Variants in KIAA1549 observed in about 807,000 individuals in gnomAD.
KIAA1549 encodes KIAA1549.
Under a neutral mutation model 156.4 loss-of-function variants are expected in KIAA1549, and 70 were observed. That is an observed-to-expected ratio of 0.45 (90% CI 0.37 to 0.55). The LOEUF is 0.55. Ranked by LOEUF, KIAA1549 falls within the 20% of genes least tolerant of loss-of-function variation. KIAA1549 has a pLI of 0.00. For synonymous variants in KIAA1549, 1,103 were observed against 1,066.4 expected, an observed-to-expected ratio of 1.03 and a Z score of -0.67; for missense variants, 2,428 against 2,540.9, an observed-to-expected ratio of 0.96 and a Z score of 0.96.
intron 1 of KIAA1549, among the ~76,000 whole-genome samples, chr7:138,974,104 CAA>C (rs556362842): frequency 7.9e-4 from 120 of 152,330 alleles, no homozygotes; most frequent in African/African-American, 2.7e-3. Context: ...AGACATTTCT[CAA>C]AAGAGACACA....
rs1810566242 is a variant in KIAA1549 at position 138,861,298 on chromosome 7, G to C, written c.5088C>G (p.Ala1696=). 6.2e-7 allele frequency: 1 copy of C among 1,608,756 alleles called. No individual in the cohort carries two copies. The highest frequency in any genetic ancestry group is 1.3e-5 in the African/African-American group (1 of 74,698). The part of the protein sequence containing the change: ...TMHSLLDDAF[A]LVAPSSQPAS... Reference sequence around the variant, plus strand: ...CAGGCTGGCTGCTGGGGGCCACGAGGGCAAAGGCGTCGTCCAGGAGGGAGT... The same window carrying C: ...CAGGCTGGCTGCTGGGGGCCACGAGCGCAAAGGCGTCGTCCAGGAGGGAGT... The change falls in exon 16 of 20, where the codon GCC becomes GCG. Residue 1696 remains alanine, a synonymous_variant. Coordinates refer to ENST00000422774, the MANE Select transcript of KIAA1549 (RefSeq NM_001164665.2).
chr7:138,960,603 A>C (rs530726), intron 1 of KIAA1549, among the ~76,000 whole-genome samples: 44,563 of 151,922 alleles, frequency 0.29, 7,731 homozygotes, highest in African/African-American at 0.5. Context: ...AGCCACTGTG[A>C]CCAGCCACAA....
chr7:138,928,405 G>C (rs1812782844), intron 1 of KIAA1549, among the ~76,000 whole-genome samples: 1 of 151,982 alleles, frequency 6.6e-6, no homozygotes, highest in African/African-American at 2.4e-5. Context: ...TCCTGCCTCA[G>C]CCTCCCGAGT....
At chr7:138,970,417 C>T (rs1426700186) in intron 1 of KIAA1549, among the ~76,000 whole-genome samples, 1 of 152,218 alleles carries the variant, frequency 6.6e-6, no homozygotes, top group Non-Finnish European at 1.5e-5. Flanking sequence ...AGCTCCGAAC[C>T]CGCTACTGCT....
intron 10 of KIAA1549, among the ~76,000 whole-genome samples, chr7:138,885,155 G>A (rs1006290278): frequency 6.6e-6 from 1 of 152,266 alleles, no homozygotes; most frequent in African/African-American, 2.4e-5. Flanking sequence ...AGATCGAACC[G>A]TTGTACTCCA....
At chr7:138,952,905 G>C (rs749017314) in intron 1 of KIAA1549, among the ~76,000 whole-genome samples, 8 of 152,236 alleles carry the variant, frequency 5.3e-5, no homozygotes, top group Non-Finnish European at 1.0e-4. Flanking sequence ...TAAGGAGCAA[G>C]TGAGTCTAGA....
Position 138,843,984 on chromosome 7 carries a change from C to T in KIAA1549, c.5452+333G>A, listed in dbSNP as rs1372568194. Among the ~76,000 whole-genome samples, 3 of 152,202 alleles carry T rather than the reference C, an allele frequency of 2.0e-5. No homozygotes were observed. In the East Asian group the frequency reaches 5.8e-4, roughly 29 times the overall value. ...GTTCGTTACAAGCTGAAAAAAGCAC[C>T]TTCTTGAAAACTAACTCTTGTTTTC... On this transcript the variant is annotated intron_variant, in intron 18 of 19. Transcript: ENST00000422774.
chr7:138,893,797 G>A (rs1309753614), intron 10 of KIAA1549, among the ~76,000 whole-genome samples: 1 of 152,246 alleles, frequency 6.6e-6, no homozygotes, highest in African/African-American at 2.4e-5. Context: ...TCGGCCTGGT[G>A]CGGTGGCTCA....
At chr7:138,931,376 C>T (rs1255805630) in intron 1 of KIAA1549, among the ~76,000 whole-genome samples, 1 of 152,196 alleles carries the variant, frequency 6.6e-6, no homozygotes. Flanking sequence ...TGTTTTGGAT[C>T]CTCATATCTT....
At chr7:138,959,874 C>A (rs2130554107) in intron 1 of KIAA1549, among the ~76,000 whole-genome samples, 1 of 152,316 alleles carries the variant, frequency 6.6e-6, no homozygotes. Context: ...CAAGGACTAA[C>A]AATTTTCAAT....
In KIAA1549 at chr7:138,834,216, G is replaced by C. The variant is rs1809635876; in HGVS notation, c.*3690C>G. ...GCTCTGTCGCCCAGGTTGGAGTACA[G>C]TGGTGCAATCTCAGCTCACTGCAAC... On this transcript the variant is annotated 3_prime_UTR_variant, in exon 20 of 20. Transcript: ENST00000422774. 1 of 191,542 alleles carries C rather than the reference G, an allele frequency of 5.2e-6. No homozygotes were observed. The highest frequency in any genetic ancestry group is 1.9e-4 in the South Asian group (1 of 5,162). The allele number at this position is 191,542 out of a possible 1,614,324, so 11.9% of individuals were successfully genotyped here. A position where few individuals can be genotyped will look rare whatever the true frequency, so the allele number is the denominator to read the frequency against.
At chr7:138,875,561 C>T (rs1811061218) in intron 12 of KIAA1549, among the ~76,000 whole-genome samples, 1 of 152,106 alleles carries the variant, frequency 6.6e-6, no homozygotes, top group Non-Finnish European at 1.5e-5. Context: ...GAGAGGACTG[C>T]TTGAGCCCAG....
At chr7:138,911,443 G>T in intron 3 of KIAA1549, 120 bp from the exon 4 acceptor site, 1 of 727,828 alleles carries the variant, frequency 1.4e-6, no homozygotes. Context: ...GTGCATCACG[G>T]ATAATCAAAA....
rs1187980891 is a variant in KIAA1549, at chr7:138,831,468, T to C, written c.*6438A>G. Reference sequence around the variant, plus strand: ...ATTGTAAACATGGAAACCAAATACTTGCATAAATTATTTCAAAAACTCTAC... The same window carrying C: ...ATTGTAAACATGGAAACCAAATACTCGCATAAATTATTTCAAAAACTCTAC... On this transcript the variant is annotated 3_prime_UTR_variant, in exon 20 of 20. Coordinates refer to ENST00000422774, the MANE Select transcript of KIAA1549 (RefSeq NM_001164665.2). 2.4e-5 allele frequency: 5 copies of C among 210,996 alleles called. No homozygotes were observed. The East Asian group carries it at 3.6e-4, about 15-fold the overall frequency. The allele number at this position is 210,996 out of a possible 1,614,324, so 13.1% of individuals were successfully genotyped here. A position where few individuals can be genotyped will look rare whatever the true frequency, so the allele number is the denominator to read the frequency against.
chr7:138,878,959 G>C (rs1811167356), intron 12 of KIAA1549, among the ~76,000 whole-genome samples: 1 of 151,948 alleles, frequency 6.6e-6, no homozygotes, highest in African/African-American at 2.4e-5. Context: ...AAGACTTGTG[G>C]GTCTCACTTT....
intron 1 of KIAA1549, among the ~76,000 whole-genome samples, chr7:138,943,213 T>TC (rs1171089362): frequency 6.6e-6 from 1 of 151,664 alleles, no homozygotes; most frequent in Non-Finnish European, 1.5e-5. Context: ...GCGTCACGAG[T>TC]CCCCCTCGAG....
At position 138,869,448 on chromosome 7, in the gene KIAA1549, C is replaced by A. The variant is rs1810853960; in HGVS notation, c.4775+90G>T. ...TGGGGTCCTTCTGTCACAGGCCCTG[C>A]AGTAGCAGAGGGGCTCCTGTCCTGC... On this transcript the variant is annotated intron_variant, in intron 14 of 19. Transcript: ENST00000422774. 4.0e-6 allele frequency: 4 copies of A among 996,312 alleles called. No homozygotes were observed. In the East Asian group the frequency reaches 1.0e-4, roughly 26 times the overall value. 61.7% of individuals were successfully genotyped at this position (996,312 alleles called of 1,614,324 possible).
intron 1 of KIAA1549, among the ~76,000 whole-genome samples, chr7:138,955,585 G>A (rs972428112): frequency 7.2e-6 from 1 of 138,938 alleles, no homozygotes; most frequent in Non-Finnish European, 1.5e-5. Flanking sequence ...AGTATATCAT[G>A]GCATGAAAAT....
chr7:138,885,985 A>G (rs1811379415), intron 10 of KIAA1549, among the ~76,000 whole-genome samples: 1 of 152,086 alleles, frequency 6.6e-6, no homozygotes, highest in South Asian at 2.1e-4. Context: ...AAGGACACCC[A>G]GCTGATAACT....
Sources: allele counts gnomAD v4.1 joint callset (sites outside exome capture counted in the v4.1 genomes callset), GRCh38; gene constraint gnomAD v4.1.1; transcripts MANE v1.5; gene names NCBI Gene and HGNC (gene_info 2026-07-23, HGNC 2026-07-21).